The following HELZ variants were observed in gnomAD, a reference collection of about 807,000 sequenced individuals.
HELZ encodes helicase with zinc finger.
Under a neutral mutation model 218.2 loss-of-function variants are expected in HELZ, and 23 were observed. The ratio of observed to expected loss-of-function variants is 0.11; its 90% CI spans 0.08 to 0.15. HELZ has a LOEUF of 0.15. HELZ is among the 10% of genes least tolerant of loss of function. The pLI, the probability that HELZ is intolerant of heterozygous loss-of-function variation, is 1.00. For missense variants in HELZ, 1,813 were observed against 2,353.7 expected (o/e 0.77, Z 4.75); for synonymous variants, 814 against 829.4 (o/e 0.98, Z 0.32).
intron 3 of HELZ, among the ~76,000 whole-genome samples, chr17:67,237,061 C>T (rs1598482635): frequency 1.3e-5 from 2 of 152,182 alleles, no homozygotes; most frequent in Non-Finnish European, 2.9e-5. Context: ...AGAACCTGGC[C>T]GGGCGTAGTG....
chr17:67,222,087 C>G (rs2040762593), intron 3 of HELZ, among the ~76,000 whole-genome samples: 1 of 152,140 alleles, frequency 6.6e-6, no homozygotes, highest in South Asian at 2.1e-4. Context: ...AAAGATCATC[C>G]CAACTTGGCC....
chr17:67,128,324 A>G (rs2037867257), intron 24 of HELZ, among the ~76,000 whole-genome samples: 1 of 152,212 alleles, frequency 6.6e-6, no homozygotes, highest in South Asian at 2.1e-4. Context: ...AAGTGTGATA[A>G]TCTTTTAAAC....
chr17:67,080,738 A>C (rs2143531619), intron 32 of HELZ, among the ~76,000 whole-genome samples: 1 of 152,362 alleles, frequency 6.6e-6, no homozygotes, highest in Admixed American at 6.5e-5. Flanking sequence ...TAGAAGTGGA[A>C]CAATGAAGGC....
intron 23 of HELZ, among the ~76,000 whole-genome samples, chr17:67,132,432 C>T (rs946149527): frequency 7.9e-5 from 12 of 152,180 alleles, no homozygotes; most frequent in Admixed American, 2.6e-4. Flanking sequence ...CTGAGCATAT[C>T]CATCATTTCT....
intron 32 of HELZ, among the ~76,000 whole-genome samples, chr17:67,079,912 T>A (rs1183133158): frequency 6.6e-6 from 1 of 152,230 alleles, no homozygotes; most frequent in African/African-American, 2.4e-5. Context: ...ACTTTTTACA[T>A]ATGAAGAATA....
At chr17:67,230,853 T>C (rs943968903) in intron 3 of HELZ, among the ~76,000 whole-genome samples, 1 of 152,154 alleles carries the variant, frequency 6.6e-6, no homozygotes, top group Admixed American at 6.5e-5. Flanking sequence ...ACTTTAAAAC[T>C]GAGAACAGAG....
At chr17:67,118,824 A>G (rs2037509917) in intron 27 of HELZ, among the ~76,000 whole-genome samples, 1 of 152,130 alleles carries the variant, frequency 6.6e-6, no homozygotes, top group Non-Finnish European at 1.5e-5. Flanking sequence ...AACCCAATAA[A>G]AAAGTGGGCA....
At chr17:67,224,578 CAAT>C (rs1288276275) in intron 3 of HELZ, 10 of 455,854 alleles carry the variant, frequency 2.2e-5, no homozygotes, top group Non-Finnish European at 3.6e-5. Context: ...TTATTAATAA[CAAT>C]GATCATGTTA....
intron 3 of HELZ, among the ~76,000 whole-genome samples, chr17:67,222,320 G>T (rs1357075545): frequency 6.6e-6 from 1 of 152,198 alleles, no homozygotes; most frequent in Admixed American, 6.5e-5. Flanking sequence ...ATATCTGCAA[G>T]TCACTGACAA....
At chr17:67,182,256 A>G (rs1167029682) in intron 12 of HELZ, among the ~76,000 whole-genome samples, 2 of 152,170 alleles carry the variant, frequency 1.3e-5, no homozygotes, top group Non-Finnish European at 2.9e-5. Flanking sequence ...AGCCTGGTCA[A>G]CATGGCGAAA....
chr17:67,114,402 A>G lies in HELZ; in HGVS notation c.3840T>C (p.Gly1280=), dbSNP rs773378730. Residue 1280 remains glycine (G), a splice_region_variant and synonymous_variant, in exon 28 of 33, where the codon GGT becomes GGC. Transcript: ENST00000358691. The part of the protein sequence containing the change: ...EKDQHEQNRN[G]KSDTNNSGPE... ...GTCCGGAATTATTTGTATCACTTTT[A>G]CCTAAGAAAATATTTAAAAATCCTT... 2.5e-6 allele frequency: 4 copies of G among 1,573,448 alleles called. No homozygotes were observed. Among genetic ancestry groups the G allele is most frequent in the Non-Finnish European group, 2.6e-6 (3 of 1,143,570 alleles).
rs1163580309 is a variant in HELZ at position 67,218,577 on chromosome 17, T to C, written c.210+18A>G. 3 of 1,567,250 alleles carry C rather than the reference T, an allele frequency of 1.9e-6. No individual in the cohort carries two copies. Among genetic ancestry groups the C allele is most frequent in the Non-Finnish European group, 2.6e-6 (3 of 1,137,418 alleles). ...TTTTACATAGTTCAGCATTGGCTTA[T>C]TGACAGTGTTTACTCACCAGTTGCA... On this transcript the variant is annotated intron_variant, in intron 4 of 32. Transcript: ENST00000358691.
chr17:67,214,914 G>A (rs756780551), intron 5 of HELZ, among the ~76,000 whole-genome samples: 5 of 152,128 alleles, frequency 3.3e-5, no homozygotes, highest in Non-Finnish European at 7.3e-5. Flanking sequence ...GGGAGGCCAA[G>A]GCAGGTGGAT....
Position 67,194,192 on chromosome 17 carries a change from A to G in HELZ, c.482-150T>C. On this transcript the variant is annotated intron_variant, in intron 8 of 32. Coordinates refer to ENST00000358691, the MANE Select transcript of HELZ (RefSeq NM_014877.4). ...ACATACTTGCCTCTACCAAAAAGTA[A>G]TCTACCAATCAACTACATAAAACAT... 5 of 605,910 alleles carry G rather than the reference A, an allele frequency of 8.3e-6. No homozygotes were observed. In the South Asian group the frequency reaches 1.1e-4, roughly 13 times the overall value. The allele number at this position is 605,910 out of a possible 1,614,324, so 37.5% of individuals were successfully genotyped here. A position where few individuals can be genotyped will look rare whatever the true frequency, so the allele number is the denominator to read the frequency against.
intron 32 of HELZ, among the ~76,000 whole-genome samples, chr17:67,080,105 T>C (rs997524159): frequency 6.6e-6 from 1 of 152,196 alleles, no homozygotes; most frequent in African/African-American, 2.4e-5. Context: ...GTTTCCTGTT[T>C]TAAGTTAAAA....
chr17:67,215,531 T>C (rs1447803069), intron 5 of HELZ, among the ~76,000 whole-genome samples: 1 of 152,026 alleles, frequency 6.6e-6, no homozygotes, highest in Non-Finnish European at 1.5e-5. Context: ...GTAGTTTTAG[T>C]AGAGATGGGG....
chr17:67,160,973 T>C lies in HELZ; in HGVS notation c.1999A>G (p.Ile667Val), dbSNP rs367964592. The C allele has an allele frequency of 3.7e-6, 6 of 1,613,790 alleles. No individual in the cohort carries two copies. In the Admixed American group the frequency reaches 1.0e-4, roughly 27 times the overall value. ...LAIQLPPVLIIGPYGTGKTFT... is the reference protein window; with the variant it reads ...LAIQLPPVLIVGPYGTGKTFT... ...GTTTTGCCTGTCCCATAGGGTCCGA[T>C]GATAAGCACAGGCGGCAGCTGGATT... is the stretch of plus-strand genomic sequence containing the variant. The change falls in exon 16 of 33, where the codon ATC becomes GTC. Residue 667 changes from isoleucine to valine, a missense_variant. Physicochemically the swap from Ile to Val is conservative, Grantham distance 29 (BLOSUM62 3). Around this residue, in one of 4 missense-constraint regions of HELZ, gnomAD observed 714 missense variants for 1,029.2 expected, o/e 0.69. Coordinates refer to ENST00000358691, the MANE Select transcript of HELZ (RefSeq NM_014877.4).
rs771464232 is a variant in HELZ at position 67,107,484 on chromosome 17, T to G, written c.4926A>C (p.Glu1642Asp). The G allele has an allele frequency of 6.2e-7, 1 of 1,614,084 alleles. No homozygotes were observed. The highest frequency in any genetic ancestry group is 8.5e-7 in the Non-Finnish European group (1 of 1,180,034). Residue 1642 changes from glutamate to aspartate, a missense_variant, in exon 31 of 33, where the codon GAA (glutamate) becomes GAC (aspartate). Transcript: ENST00000358691. Reference protein sequence around the residue: ...SNFNDNSRDIEVASNPAFPQR... With the variant: ...SNFNDNSRDIDVASNPAFPQR... ...GTGGAAATGCTGGGTTGCTGGCTAC[T>G]TCAATGTCTCTGCTGTTATCATTAA...
chr17:67,220,625 G>C (rs1173710249), intron 3 of HELZ, among the ~76,000 whole-genome samples: 1 of 151,944 alleles, frequency 6.6e-6, no homozygotes, highest in African/African-American at 2.4e-5. Flanking sequence ...TGGGACTACA[G>C]GCATGCACCA....
Sources: gnomAD v4.1 joint callset for allele counts (sites outside exome capture counted in the v4.1 genomes callset) on GRCh38, gnomAD v4.1.1 for gene constraint, gnomAD v4.1.1 regional missense constraint, MANE v1.5 for transcripts, NCBI Gene and HGNC (gene_info 2026-07-23, HGNC 2026-07-21) for gene names.